Variants in ARHGAP21 observed in about 807,000 individuals in gnomAD.
The protein encoded by ARHGAP21 is rho GTPase-activating protein 21.
ARHGAP21 carries 38 observed loss-of-function variants against 164.6 expected under a neutral mutation model. The observed-to-expected ratio is 0.23, with a 90% CI of 0.18 to 0.30. ARHGAP21 has a LOEUF of 0.30. ARHGAP21 is among the 10% of genes least tolerant of loss of function. ARHGAP21 has a pLI of 1.00. For missense variants in ARHGAP21, 1,822 were observed against 2,370.7 expected, an observed-to-expected ratio of 0.77 and a Z score of 4.81; for synonymous variants, 766 against 857.9, an observed-to-expected ratio of 0.89 and a Z score of 1.87.
Position 24,584,985 on chromosome 10 carries a change from C to G in ARHGAP21, c.5304G>C (p.Arg1768=). 1 of 1,613,994 alleles carries G rather than the reference C, an allele frequency of 6.2e-7. No individual in the cohort carries two copies. The change falls in exon 26 of 26, where the codon CGG becomes CGC. Residue 1768 remains arginine (R), a synonymous_variant. Coordinates refer to ENST00000396432, the MANE Select transcript of ARHGAP21 (RefSeq NM_020824.4). ...CAGGGGCTCTGGGTCTCAGTTTTAACCGATCTGCTATTTTCGTTTTCCATG... is the reference window on the plus strand; with the variant it reads ...CAGGGGCTCTGGGTCTCAGTTTTAAGCGATCTGCTATTTTCGTTTTCCATG... ...EPTWKTKIAD[R]LKLRPRAPAD...
intron 17 of ARHGAP21, chr10:24,596,391 G>A: frequency 2.2e-6 from 1 of 453,942 alleles, no homozygotes; most frequent in Non-Finnish European, 3.8e-6. Context: ...TCCTAGCATG[G>A]GTGTTTTAAA....
intron 4 of ARHGAP21, among the ~76,000 whole-genome samples, chr10:24,646,871 T>C (rs1837621918): frequency 6.6e-6 from 1 of 152,164 alleles, no homozygotes; most frequent in Non-Finnish European, 1.5e-5. Context: ...AATTTAAAAA[T>C]TAATTTAGAA....
At position 24,584,253 on chromosome 10, in the gene ARHGAP21, TGTA is replaced by T. The variant is rs2076006113; in HGVS notation, c.*156_*158del. ...ATATATATATATATGTTCTTCTGGC[TGTA>T]GTAATGCACTGTAAAGCTATTTCAC... On this transcript the variant is annotated 3_prime_UTR_variant, in exon 26 of 26. Transcript: ENST00000396432. The T allele has an allele frequency of 1.6e-6, 1 of 618,028 alleles. No individual in the cohort carries two copies. The highest frequency in any genetic ancestry group is 3.0e-5 in the South Asian group (1 of 33,056). The allele number at this position is 618,028 out of a possible 1,614,324, so 38.3% of individuals were successfully genotyped here.
chr10:24,715,685 T>C (rs1385252158), intron 2 of ARHGAP21, among the ~76,000 whole-genome samples: 1 of 152,164 alleles, frequency 6.6e-6, no homozygotes, highest in Non-Finnish European at 1.5e-5. Context: ...AAGAACATAT[T>C]TCATACTGTA....
At chr10:24,602,132 A>C in intron 12 of ARHGAP21, 29 bp from the exon 13 acceptor site, 2 of 1,590,032 alleles carry the variant, frequency 1.3e-6, no homozygotes, top group Non-Finnish European at 1.7e-6. Context: ...AAACAGTAAA[A>C]TGTCAGCATT....
chr10:24,685,319 G>A (rs186969060), intron 2 of ARHGAP21, among the ~76,000 whole-genome samples: 14 of 152,226 alleles, frequency 9.2e-5, no homozygotes, highest in African/African-American at 2.9e-4. Context: ...AAAACAACAA[G>A]AGCATCCAAT....
Position 24,665,802 on chromosome 10 carries a change from G to GA in ARHGAP21, c.268+1182dup, listed in dbSNP as rs569360373. 2.6e-5 allele frequency among the ~76,000 whole-genome samples: 4 copies of GA among 152,268 alleles called. No individual in the cohort carries two copies. The South Asian group carries it at 8.3e-4, about 32-fold the overall frequency. ...CTAGGGAGAAAACATCAGATAAACT[G>GA]AAAATGAAGGACATTCTAAAAAATA... is the stretch of plus-strand genomic sequence containing the variant. On this transcript the variant is annotated intron_variant, in intron 4 of 25. Transcript: ENST00000396432.
At position 24,607,773 on chromosome 10, in the gene ARHGAP21, T is replaced by G. The variant is rs762619423; in HGVS notation, c.2553A>C (p.Leu851Phe). The G allele has an allele frequency of 1.2e-6, 2 of 1,613,904 alleles. No homozygotes were observed. Among genetic ancestry groups the G allele is most frequent in the South Asian group, 2.2e-5 (2 of 91,026 alleles). ...VPPCLTTSAPLIRRQLSHDHE... is the reference protein window; with the variant it reads ...VPPCLTTSAPFIRRQLSHDHE... ...GGTCATGTGAGAGCTGACGGCGAAT[T>G]AATGGAGCTGAAGTTGTGAGGCAAG... The change falls in exon 10 of 26, where the codon TTA becomes TTC. Residue 851 changes from leucine to phenylalanine, a missense_variant. Physicochemically the swap from Leu to Phe is conservative, Grantham distance 22 (BLOSUM62 0). Transcript: ENST00000396432.
At chr10:24,668,420 C>A (rs906927063) in intron 3 of ARHGAP21, among the ~76,000 whole-genome samples, 5 of 152,148 alleles carry the variant, frequency 3.3e-5, no homozygotes, top group Admixed American at 3.3e-4. Context: ...CCCACATTGT[C>A]CCAGTCTGAA....
At chr10:24,658,060 T>TTTA (rs60160198) in intron 4 of ARHGAP21, among the ~76,000 whole-genome samples, 1 of 147,396 alleles carries the variant, frequency 6.8e-6, no homozygotes, top group East Asian at 2.0e-4. Context: ...AAAAATAAAT[T>TTTA]AAAAAAAAAA....
At chr10:24,619,410 T>C (rs1260924111) in intron 9 of ARHGAP21, 63 bp downstream of exon 9, 2 of 1,472,928 alleles carry the variant, frequency 1.4e-6, no homozygotes, top group African/African-American at 2.8e-5. Flanking sequence ...CTAGAAATAA[T>C]ACTTTTCTGG....
chr10:24,643,435 A>G (rs2131461473), intron 4 of ARHGAP21, among the ~76,000 whole-genome samples: 1 of 152,288 alleles, frequency 6.6e-6, no homozygotes, highest in Admixed American at 6.5e-5. Context: ...CCTTTAACCA[A>G]TTAAACTTGC....
intron 9 of ARHGAP21, among the ~76,000 whole-genome samples, chr10:24,613,718 G>C (rs915749609): frequency 1.3e-5 from 2 of 152,180 alleles, no homozygotes; most frequent in African/African-American, 4.8e-5. Context: ...CTGTGAAGTA[G>C]GTATTTGAAA....
chr10:24,611,190 C>A (rs1159777651), intron 9 of ARHGAP21, among the ~76,000 whole-genome samples: 1 of 152,218 alleles, frequency 6.6e-6, no homozygotes, highest in Non-Finnish European at 1.5e-5. Flanking sequence ...TCTCAATCCA[C>A]AGAGACTGGC....
At chr10:24,686,360 T>C (rs1360100689) in intron 2 of ARHGAP21, among the ~76,000 whole-genome samples, 1 of 151,928 alleles carries the variant, frequency 6.6e-6, no homozygotes, top group Non-Finnish European at 1.5e-5. Context: ...GCCCAAGAGG[T>C]CAAGGCTGCA....
At chr10:24,634,908 G>A in intron 5 of ARHGAP21, 103 bp downstream of exon 5, 1 of 781,176 alleles carries the variant, frequency 1.3e-6, no homozygotes, top group Non-Finnish European at 1.9e-6. Flanking sequence ...AAAGGAAGAA[G>A]CATACAGAAA....
intron 4 of ARHGAP21, among the ~76,000 whole-genome samples, chr10:24,655,976 G>A (rs1354459863): frequency 8.1e-6 from 1 of 123,028 alleles, no homozygotes; most frequent in African/African-American, 3.4e-5. Flanking sequence ...CCCTCTGCCT[G>A]GCAACCACCC....
chr10:24,586,624 A>G (rs1466922461), intron 25 of ARHGAP21, among the ~76,000 whole-genome samples: 1 of 152,242 alleles, frequency 6.6e-6, no homozygotes, highest in Non-Finnish European at 1.5e-5. Flanking sequence ...ACTGTATCAG[A>G]TAAGCTCATT....
intron 2 of ARHGAP21, among the ~76,000 whole-genome samples, chr10:24,671,341 T>C (rs185634247): frequency 6.6e-5 from 10 of 152,290 alleles, no homozygotes; most frequent in Admixed American, 2.0e-4. Context: ...TGTCAGTCAA[T>C]AGTAACACAT....
Sources: allele counts gnomAD v4.1 joint callset (sites outside exome capture counted in the v4.1 genomes callset), GRCh38; gene constraint gnomAD v4.1.1; transcripts MANE v1.5; gene names NCBI Gene and HGNC (gene_info 2026-07-23, HGNC 2026-07-21).